The following BCL11B variants were observed in gnomAD, a reference collection of about 807,000 sequenced individuals.
BCL11B encodes B-cell lymphoma/leukemia 11B.
In BCL11B, 8 loss-of-function variants were observed where a neutral mutation model predicts 49.9. That is an observed-to-expected ratio of 0.16 (90% CI 0.09 to 0.29). The LOEUF is 0.29. Ranked by LOEUF, BCL11B falls within the 10% of genes least tolerant of loss-of-function variation. BCL11B has a pLI of 1.00. For synonymous variants in BCL11B, 739 were observed against 637.4 expected, an observed-to-expected ratio of 1.16 and a Z score of -2.40; for missense variants, 1,006 against 1,351.0, an observed-to-expected ratio of 0.74 and a Z score of 4.00.
intron 2 of BCL11B, among the ~76,000 whole-genome samples, chr14:99,234,012 G>T (rs1339681180): frequency 6.6e-6 from 1 of 152,156 alleles, no homozygotes; most frequent in Non-Finnish European, 1.5e-5. Flanking sequence ...CTTCCCAAGG[G>T]TGGAACTCAA....
intron 1 of BCL11B, among the ~76,000 whole-genome samples, chr14:99,270,130 G>A (rs541927366): frequency 3.6e-4 from 55 of 152,098 alleles, no homozygotes; most frequent in African/African-American, 1.3e-3. Context: ...AGGGACGGTG[G>A]AAGCTGCTGC....
chr14:99,266,136 C>T (rs903480974), intron 1 of BCL11B, among the ~76,000 whole-genome samples: 2 of 152,140 alleles, frequency 1.3e-5, no homozygotes, highest in African/African-American at 4.8e-5. Flanking sequence ...TTATTTGAGT[C>T]GGCATTTTAA....
rs1887744519 is a variant in BCL11B at position 99,213,464 on chromosome 14, T to C, written c.640+17881A>G. On this transcript the variant is annotated intron_variant, in intron 3 of 3. Coordinates refer to ENST00000357195, the MANE Select transcript of BCL11B (RefSeq NM_138576.4). This position sits in a 1 kb window ranked among gnomAD's most constrained non-coding sequence, Gnocchi z 5.1. ...CCAAAATGACTCTCATCTGGACTGG[T>C]ATGACTCATGTTTTTAATAGAAGAA... 1.3e-5 allele frequency among the ~76,000 whole-genome samples: 2 copies of C among 152,212 alleles called. No individual in the cohort carries two copies. Among genetic ancestry groups the C allele is most frequent in the Non-Finnish European group, 2.9e-5 (2 of 68,048 alleles).
rs1005224901 is a variant in BCL11B, at chr14:99,195,181, C to T, written c.641-18986G>A. Among the ~76,000 whole-genome samples, 3 of 152,188 alleles carry T rather than the reference C, an allele frequency of 2.0e-5. No individual in the cohort carries two copies. The highest frequency in any genetic ancestry group is 7.2e-5 in the African/African-American group (3 of 41,434). ...AAAGTACCTAAAGCAAGCCAAGATG[C>T]GTTCTCAGGAAAATATGTGGAGCGA... On this transcript the variant is annotated intron_variant, in intron 3 of 3. Coordinates refer to ENST00000357195, the MANE Select transcript of BCL11B (RefSeq NM_138576.4). This position sits in a 1 kb window ranked among gnomAD's most constrained non-coding sequence, Gnocchi z 4.7.
rs1257429 is a variant in BCL11B at position 99,192,905 on chromosome 14, A to G, written c.641-16710T>C. Among the ~76,000 whole-genome samples, 100,880 of 152,026 alleles carry G rather than the reference A, an allele frequency of 0.66. 33,687 individuals carry two copies. Among genetic ancestry groups the G allele is most frequent in the South Asian group, 0.7 (3,352 of 4,814 alleles). On this transcript the variant is annotated intron_variant, in intron 3 of 3. Transcript: ENST00000357195. The surrounding 1 kb of genome is among the most constrained non-coding windows in gnomAD (Gnocchi z 4.0). ...AATGAATGAATGAATGAGTGAATGA[A>G]TGGATAAAAGAGTGAATGAATGAAT...
chr14:99,200,249 G>A (rs1463932808), intron 3 of BCL11B, among the ~76,000 whole-genome samples: 1 of 152,232 alleles, frequency 6.6e-6, no homozygotes, highest in Admixed American at 6.5e-5. Context: ...TGGTGCAGGA[G>A]CACAGGCGCT....
At chr14:99,182,365 A>G (rs1468164776) in intron 3 of BCL11B, among the ~76,000 whole-genome samples, 2 of 152,178 alleles carry the variant, frequency 1.3e-5, no homozygotes, top group South Asian at 2.1e-4. Context: ...GCCCACGGTA[A>G]AGCCTGTGCT....
intron 3 of BCL11B, among the ~76,000 whole-genome samples, chr14:99,210,423 G>A (rs1156972669): frequency 1.3e-5 from 2 of 152,116 alleles, no homozygotes; most frequent in East Asian, 1.9e-4. Flanking sequence ...GTAAACAGGA[G>A]GCACAGATTT....
Position 99,173,750 on chromosome 14 carries a change from G to A in BCL11B, c.*401C>T. The A allele has an allele frequency of 4.2e-6, 1 of 240,212 alleles. No homozygotes were observed. Among genetic ancestry groups the A allele is most frequent in the Non-Finnish European group, 8.1e-6 (1 of 122,924 alleles). The allele number at this position is 240,212 out of a possible 1,614,324, so 14.9% of individuals were successfully genotyped here. ...CCTCCCCCCAAATTATAATTTAAAAGATATGCTTCCCCTCTAACATTGCTT... is the reference window on the plus strand; with the variant it reads ...CCTCCCCCCAAATTATAATTTAAAAAATATGCTTCCCCTCTAACATTGCTT... On this transcript the variant is annotated 3_prime_UTR_variant, in exon 4 of 4. Transcript: ENST00000357195.
chr14:99,250,645 T>A (rs1406122009), intron 2 of BCL11B, among the ~76,000 whole-genome samples: 1 of 152,154 alleles, frequency 6.6e-6, no homozygotes, highest in Non-Finnish European at 1.5e-5. Flanking sequence ...GTCAAATGCC[T>A]GATTAAAAAA....
Position 99,170,830 on chromosome 14 carries a change from A to C in BCL11B, c.*3321T>G. 4.3e-6 allele frequency: 1 copy of C among 232,972 alleles called. No individual in the cohort carries two copies. Among genetic ancestry groups the C allele is most frequent in the Non-Finnish European group, 8.5e-6 (1 of 117,816 alleles). The allele number at this position is 232,972 out of a possible 1,614,324, so 14.4% of individuals were successfully genotyped here. The stretch of plus-strand genomic sequence containing the variant: ...TTTGTACCGGTCTCAACAGCAGGTC[A>C]CTTCACCTGGACCCAGCTGAATCAC... On this transcript the variant is annotated 3_prime_UTR_variant, in exon 4 of 4. Coordinates refer to ENST00000357195, the MANE Select transcript of BCL11B (RefSeq NM_138576.4).
At position 99,272,192 on chromosome 14, in the gene BCL11B, A is replaced by G. The variant is rs940098182; in HGVS notation, c.-974T>C. ...TTCTCTGGGAGCTCTCGGTCTCTCT[A>G]TGGCTGGGGCTGCCTCTGTACAATG... is the stretch of plus-strand genomic sequence containing the variant. On this transcript the variant is annotated 5_prime_UTR_variant, in exon 1 of 4. Transcript: ENST00000357195. This position sits in a 1 kb window ranked among gnomAD's most constrained non-coding sequence, Gnocchi z 6.0. Among the ~76,000 whole-genome samples, 7 of 152,084 alleles carry G rather than the reference A, an allele frequency of 4.6e-5. No homozygotes were observed. Among genetic ancestry groups the G allele is most frequent in the African/African-American group, 1.4e-4 (6 of 41,420 alleles).
At position 99,172,445 on chromosome 14, in the gene BCL11B, A is replaced by G. The variant is rs979748304; in HGVS notation, c.*1706T>C. The G allele has an allele frequency of 4.7e-6, 1 of 210,662 alleles. No individual in the cohort carries two copies. The highest frequency in any genetic ancestry group is 2.3e-5 in the African/African-American group (1 of 43,950). 13.0% of individuals were successfully genotyped at this position (210,662 alleles called of 1,614,324 possible). On this transcript the variant is annotated 3_prime_UTR_variant, in exon 4 of 4. Coordinates refer to ENST00000357195, the MANE Select transcript of BCL11B (RefSeq NM_138576.4). ...AGTAAATGTGGCTTTGTTAGTTTCT[A>G]AAGAATGTACTTTTCTTGTTTTACT...
chr14:99,187,968 G>A (rs1454662958), intron 3 of BCL11B, among the ~76,000 whole-genome samples: 4 of 152,144 alleles, frequency 2.6e-5, no homozygotes, highest in Non-Finnish European at 5.9e-5. Flanking sequence ...GATAATTGAC[G>A]TTATGGAGAG....
At chr14:99,271,064 G>C in intron 1 of BCL11B, 97 bp downstream of exon 1, 2 of 1,306,000 alleles carry the variant, frequency 1.5e-6, no homozygotes, top group Non-Finnish European at 2.0e-6. Context: ...CGGCCCCGGC[G>C]CCTGGCCAGG....
chr14:99,237,700 G>T (rs753260861), intron 2 of BCL11B, among the ~76,000 whole-genome samples: 18 of 152,168 alleles, frequency 1.2e-4, no homozygotes, highest in Non-Finnish European at 2.2e-4. Context: ...TCTCACAAGG[G>T]TTTGCACAGC....
In BCL11B at chr14:99,172,416, TTAAAG is replaced by T. The variant is rs1886320769; in HGVS notation, c.*1730_*1734del. 4.7e-6 allele frequency: 1 copy of T among 211,720 alleles called. No individual in the cohort carries two copies. The allele number at this position is 211,720 out of a possible 1,614,324, so 13.1% of individuals were successfully genotyped here. ...CAACCAGAATTTTTTTTTTTTTTAC[TTAAAG>T]TAAATGTGGCTTTGTTAGTTTCTAA... is the stretch of plus-strand genomic sequence containing the variant. On this transcript the variant is annotated 3_prime_UTR_variant, in exon 4 of 4. Transcript: ENST00000357195.
At chr14:99,200,101 C>T (rs2139817671) in intron 3 of BCL11B, among the ~76,000 whole-genome samples, 1 of 152,056 alleles carries the variant, frequency 6.6e-6, no homozygotes, top group Non-Finnish European at 1.5e-5. Flanking sequence ...CAGACAGGGA[C>T]TCTCGTCTTT....
intron 1 of BCL11B, among the ~76,000 whole-genome samples, chr14:99,270,475 G>T (rs1482922044): frequency 6.6e-6 from 1 of 151,676 alleles, no homozygotes; most frequent in East Asian, 1.9e-4. Context: ...ACGGAGGTGG[G>T]GAAGTGGGGG....
Sources: allele counts gnomAD v4.1 joint callset (sites outside exome capture counted in the v4.1 genomes callset), GRCh38; gene constraint gnomAD v4.1.1; non-coding constraint Gnocchi (gnomAD v3.1); transcripts MANE v1.5; gene names NCBI Gene and HGNC (gene_info 2026-07-23, HGNC 2026-07-21).